The following PHEX variants were observed in gnomAD, a reference collection of about 807,000 sequenced individuals.
The protein encoded by PHEX is phosphate regulating endopeptidase X-linked, also known as phosphate-regulating neutral endopeptidase PHEX.
Under a neutral mutation model 68.0 loss-of-function variants are expected in PHEX, and 16 were observed. The ratio of observed to expected loss-of-function variants is 0.24; its 90% confidence interval spans 0.16 to 0.36. PHEX has a LOEUF of 0.36. PHEX is among the 10% of genes least tolerant of loss of function. The pLI is 1.00. For synonymous variants in PHEX, 208 were observed against 205.1 expected, an observed-to-expected ratio of 1.01 and a Z score of -0.12; for missense variants, 480 against 575.5, an observed-to-expected ratio of 0.83 and a Z score of 1.70.
At chrX:22,194,183 GT>G (rs200800967) in intron 15 of PHEX, among the ~76,000 whole-genome samples, 1 of 111,629 alleles carries the variant, frequency 9.0e-6, no homozygotes, top group South Asian at 3.8e-4. Context: ...TGGGCAGAGG[GT>G]TTTTTTTAAA....
chrX:22,225,194 C>CA (rs1352214339), intron 18 of PHEX, among the ~76,000 whole-genome samples: 1 of 108,910 alleles, frequency 9.2e-6, no homozygotes, highest in Non-Finnish European at 1.9e-5. Flanking sequence ...ATCACTCTGA[C>CA]ACTCGCTCTC....
In PHEX at chrX:22,062,081, T is replaced by C. The variant is rs141038074; in HGVS notation, c.350-14307T>C. On this transcript the variant is annotated intron_variant, in intron 3 of 21. Transcript: ENST00000379374. Reference sequence around the variant, plus strand: ...CTCATTCACTATCACGAGAACAGCATGGGGGAAGAATGCCCCCATGATCTA... The same window carrying C: ...CTCATTCACTATCACGAGAACAGCACGGGGGAAGAATGCCCCCATGATCTA... 4.2e-3 allele frequency among the ~76,000 whole-genome samples: 469 copies of C among 111,137 alleles called. 1 individual carries two copies. The highest frequency in any genetic ancestry group is 0.014 in the African/African-American group (436 of 30,525).
chrX:22,199,860 A>C (rs1357455507), intron 15 of PHEX, among the ~76,000 whole-genome samples: 1 of 112,047 alleles, frequency 8.9e-6, no homozygotes, highest in Non-Finnish European at 1.9e-5. Context: ...TGGAGGAAAA[A>C]GAAATTTGTG....
intron 20 of PHEX, among the ~76,000 whole-genome samples, chrX:22,241,730 T>C (rs1936204155): frequency 8.9e-6 from 1 of 111,829 alleles, no homozygotes; most frequent in African/African-American, 3.3e-5. Flanking sequence ...CAGGCAGAAG[T>C]TGAATCCCTG....
intron 3 of PHEX, among the ~76,000 whole-genome samples, chrX:22,049,177 C>T (rs1028255833): frequency 5.0e-4 from 56 of 111,654 alleles, no homozygotes; most frequent in African/African-American, 1.7e-3. Context: ...GGCACGATCT[C>T]GGCTCACTGC....
chrX:22,034,172 A>G (rs1349304907), intron 1 of PHEX, among the ~76,000 whole-genome samples: 1 of 111,599 alleles, frequency 9.0e-6, no homozygotes, highest in Non-Finnish European at 1.9e-5. Flanking sequence ...GGCTCTTGAA[A>G]ACTCTTGTAA....
intron 3 of PHEX, among the ~76,000 whole-genome samples, chrX:22,060,594 AAAT>A (rs1360102082): frequency 1.8e-5 from 2 of 112,223 alleles, no homozygotes; most frequent in South Asian, 3.7e-4. Flanking sequence ...TGGCTGAAAA[AAAT>A]GAATGGGAAA....
chrX:22,038,150 T>G (rs1927108428), intron 1 of PHEX, among the ~76,000 whole-genome samples: 1 of 110,493 alleles, frequency 9.1e-6, no homozygotes, highest in Non-Finnish European at 1.9e-5. Flanking sequence ...TTGGAGTGGC[T>G]TTCTAACAAG....
rs751716158 is a variant in PHEX, at chrX:22,181,794, CTTTAG to C, written c.1586+3421_1586+3425del. Among the ~76,000 whole-genome samples, 7 of 111,569 alleles carry C rather than the reference CTTTAG, an allele frequency of 6.3e-5. No homozygotes were observed. In the East Asian group the frequency reaches 2.0e-3, roughly 31 times the overall value. On this transcript the variant is annotated intron_variant, in intron 14 of 21. Transcript: ENST00000379374. ...TTTTCATTGTGGAGACCTTTCACTT[CTTTAG>C]TTAAGTTTATTCCTAGGTATTTTAT...
At chrX:22,109,676 T>C (rs1930868040) in intron 9 of PHEX, among the ~76,000 whole-genome samples, 1 of 111,682 alleles carries the variant, frequency 9.0e-6, no homozygotes, top group African/African-American at 3.3e-5. Flanking sequence ...ACCATGGTAA[T>C]GGCACAGCTG....
At chrX:22,055,180 A>C (rs12014024) in intron 3 of PHEX, among the ~76,000 whole-genome samples, 10 of 14,811 alleles carry the variant, frequency 6.8e-4, no homozygotes, top group African/African-American at 5.7e-3. Context: ...AGCTCAAAAA[A>C]AAAAAAAAAA....
intron 18 of PHEX, among the ~76,000 whole-genome samples, chrX:22,224,494 G>T (rs746046732): frequency 1.8e-5 from 2 of 111,565 alleles, no homozygotes; most frequent in South Asian, 3.8e-4. Context: ...ACCTCCCAGC[G>T]GTCTCCAGAT....
chrX:22,241,837 C>T (rs188851286), intron 20 of PHEX, among the ~76,000 whole-genome samples: 10 of 111,990 alleles, frequency 8.9e-5, no homozygotes, highest in Non-Finnish European at 1.5e-4. Context: ...CAGCCGAATT[C>T]GACCAGAGGT....
intron 3 of PHEX, among the ~76,000 whole-genome samples, chrX:22,054,079 ATGT>A (rs1487720203): frequency 8.9e-6 from 1 of 112,215 alleles, no homozygotes; most frequent in Admixed American, 9.5e-5. Context: ...CATTTTCCTC[ATGT>A]TGTATGTATA....
intron 3 of PHEX, among the ~76,000 whole-genome samples, chrX:22,063,331 C>T (rs1928458012): frequency 8.9e-6 from 1 of 112,597 alleles, no homozygotes. Context: ...TTTTCTTTCT[C>T]TTGCTGATTT....
chrX:22,123,493 T>C (rs1193208191), intron 11 of PHEX, among the ~76,000 whole-genome samples: 6 of 111,832 alleles, frequency 5.4e-5, no homozygotes, highest in African/African-American at 1.9e-4. Flanking sequence ...TCAGTGAATG[T>C]CATCTACTCT....
At chrX:22,198,189 A>C (rs1433298191) in intron 15 of PHEX, among the ~76,000 whole-genome samples, 5 of 104,358 alleles carry the variant, frequency 4.8e-5, no homozygotes. Flanking sequence ...ATATTAAATT[A>C]TATATACTTA....
intron 3 of PHEX, among the ~76,000 whole-genome samples, chrX:22,070,339 C>G (rs1928842876): frequency 9.0e-6 from 1 of 111,215 alleles, no homozygotes; most frequent in Non-Finnish European, 1.9e-5. Flanking sequence ...CCACAATCTG[C>G]ATGAAATTGA....
intron 2 of PHEX, among the ~76,000 whole-genome samples, chrX:22,041,265 C>CTCTCTCTCTATATATA (rs1468778300): frequency 1.4e-4 from 10 of 72,817 alleles, no homozygotes; most frequent in African/African-American, 5.1e-4. Context: ...CTCTCTCTCT[C>CTCTCTCTCTATATATA]TATATATATA....
Sources: gnomAD v4.1 joint callset for allele counts (sites outside exome capture counted in the v4.1 genomes callset) on GRCh38, gnomAD v4.1.1 for gene constraint, MANE v1.5 for transcripts, NCBI Gene and HGNC (gene_info 2026-07-23, HGNC 2026-07-21) for gene names.